PDE4C: variants seen among roughly 807,000 people sequenced by gnomAD.
The protein encoded by PDE4C is 3',5'-cyclic-AMP phosphodiesterase 4C.
Under a neutral mutation model 63.9 loss-of-function variants are expected in PDE4C, and 50 were observed. The ratio of observed to expected loss-of-function variants is 0.78; its 90% CI spans 0.62 to 0.99. The LOEUF (loss-of-function observed/expected upper bound fraction) is 0.99. PDE4C is among the 50% of genes least tolerant of loss of function. The probability of loss-of-function intolerance (pLI) is 0.00; values close to 1 mark genes in which losing one functional copy is unlikely to be tolerated. For missense variants in PDE4C, 777 were observed against 899.1 expected, an observed-to-expected ratio of 0.86 and a Z score of 1.74; for synonymous variants, 377 against 385.1, an observed-to-expected ratio of 0.98 and a Z score of 0.25.
At chr19:18,238,088 C>T (rs981881140), upstream of PDE4C, among the ~76,000 whole-genome samples, 1 of 151,542 alleles carries the variant, frequency 6.6e-6, no homozygotes, top group African/African-American at 2.4e-5. Flanking sequence ...AGCCAGGCAT[C>T]GTGGTGTATG....
intron 3 of PDE4C, 22 bp from the exon 4 acceptor site, chr19:18,221,200 C>T: frequency 6.7e-7 from 1 of 1,481,952 alleles, no homozygotes; most frequent in Non-Finnish European, 9.1e-7. Context: ...AGGTGGTAGG[C>T]GGTGGGAAGG....
upstream of PDE4C, among the ~76,000 whole-genome samples, chr19:18,229,282 C>T (rs537465457): frequency 2.6e-5 from 4 of 151,878 alleles, no homozygotes; most frequent in South Asian, 6.2e-4. Context: ...ACTCTGTCGC[C>T]CAGGGTGGAG....
downstream of PDE4C, chr19:18,209,924 C>A (rs1330306159): frequency 6.6e-6 from 1 of 151,810 alleles, no homozygotes; most frequent in East Asian, 1.9e-4. Flanking sequence ...GAACTCCTAA[C>A]CTCAGGTGAT....
At chr19:18,248,461 G>T (rs1969173042), upstream of PDE4C, among the ~76,000 whole-genome samples, 1 of 151,056 alleles carries the variant, frequency 6.6e-6, no homozygotes, top group African/African-American at 2.4e-5. Context: ...AAGGAGGGGG[G>T]AAGGAGGGAA....
At chr19:18,221,357 C>G in intron 2 of PDE4C, 60 bp from the exon 3 acceptor site, 1 of 1,499,838 alleles carries the variant, frequency 6.7e-7, no homozygotes, top group East Asian at 2.5e-5. Context: ...TTTACCCACA[C>G]CATATGCCCT....
chr19:18,251,070 C>T (rs1438099857), upstream of PDE4C, among the ~76,000 whole-genome samples: 1 of 151,556 alleles, frequency 6.6e-6, no homozygotes, highest in Non-Finnish European at 1.5e-5. Context: ...GCCACTGAGC[C>T]CAGCCTAATT....
At chr19:18,223,505 C>T (rs975214315) in intron 1 of PDE4C, among the ~76,000 whole-genome samples, 6 of 152,188 alleles carry the variant, frequency 3.9e-5, no homozygotes, top group African/African-American at 7.2e-5. Flanking sequence ...CCACCGTGCC[C>T]GGCCAAAGTT....
Position 18,220,557 on chromosome 19 carries a change from T to C in PDE4C, c.500-42A>G. On this transcript the variant is annotated intron_variant, in intron 5 of 14. Coordinates refer to ENST00000262805, the Ensembl canonical transcript of PDE4C. This position sits in a 1 kb window ranked among gnomAD's most constrained non-coding sequence, Gnocchi z 5.1. ...TCAGGGGCCTGCCCAACCCCCCCGC[T>C]CAGGGACCCCACGCCTCTCGCGACT... The C allele has an allele frequency of 6.5e-7, 1 of 1,532,976 alleles. No homozygotes were observed. The highest frequency in any genetic ancestry group is 9.0e-7 in the Non-Finnish European group (1 of 1,112,604). The allele number at this position is 1,532,976 out of a possible 1,614,324, so 95.0% of individuals were successfully genotyped here.
chr19:18,212,358 A>G (rs542935031), intron 13 of PDE4C, among the ~76,000 whole-genome samples: 1 of 151,256 alleles, frequency 6.6e-6, no homozygotes, highest in African/African-American at 2.4e-5. Flanking sequence ...TAATTTTTGT[A>G]TTTTTGTAGA....
At position 18,226,397 on chromosome 19, in the gene PDE4C, G is replaced by C. The variant is rs759643334; in HGVS notation, c.19C>G (p.Pro7Ala). The change falls in exon 1 of 15, where the codon CCC becomes GCC. Residue 7 changes from proline to alanine, a missense_variant. By Grantham distance (27) the Pro-to-Ala change is conservative. Around this residue, in one of 3 missense-constraint regions of PDE4C, gnomAD observed 249 missense variants for 247.8 expected, o/e 1.00. Transcript: ENST00000262805. ...GAGCCGGGCCCGGGGACCGGGGCGG[G>C]CGCGGGGGGGCCCTGCATCGCCAGG... 9.0e-6 allele frequency: 13 copies of C among 1,448,246 alleles called. No homozygotes were observed. In the African/African-American group the frequency reaches 1.6e-4, roughly 18 times the overall value. 89.7% of individuals were successfully genotyped at this position (1,448,246 alleles called of 1,614,324 possible). A position where few individuals can be genotyped will look rare whatever the true frequency, so the allele number is the denominator to read the frequency against.
intron 12 of PDE4C, 51 bp from the exon 13 acceptor site, chr19:18,213,541 A>C (rs777871026): frequency 6.4e-7 from 1 of 1,568,762 alleles, no homozygotes; most frequent in African/African-American, 1.4e-5. Context: ...GCCCACCCCA[A>C]CCCTCACTCC....
rs1967897735 is a variant in PDE4C at position 18,210,948 on chromosome 19, AG to A, written c.2023del (p.Leu675SerfsTer12). On this transcript the variant is annotated frameshift_variant, in exon 15 of 15. Transcript: ENST00000262805. LOFTEE classifies it high-confidence loss of function. ...CTGGCCCTAAGTCCTCTGGTTGTCGAGGGGTAAGTCCCCAGGGTCTGGGCCG... is the reference window on the plus strand; with the variant it reads ...CTGGCCCTAAGTCCTCTGGTTGTCGAGGGTAAGTCCCCAGGGTCTGGGCCG... 1 of 1,610,442 alleles carries A rather than the reference AG, an allele frequency of 6.2e-7. No individual in the cohort carries two copies. The highest frequency in any genetic ancestry group is 8.5e-7 in the Non-Finnish European group (1 of 1,177,760).
intron 1 of PDE4C, among the ~76,000 whole-genome samples, chr19:18,225,272 C>T (rs919846478): frequency 2.6e-5 from 4 of 152,144 alleles, no homozygotes; most frequent in Non-Finnish European, 5.9e-5. Flanking sequence ...GGGGCCGGCC[C>T]TCGTTCATCC....
In PDE4C at chr19:18,219,243, T is replaced by C. The variant is rs761409784; in HGVS notation, c.861A>G (p.Gln287=). The change falls in exon 8 of 15, where the codon CAA becomes CAG. Residue 287 remains glutamine (Q), a synonymous_variant. Transcript: ENST00000262805. Reference sequence around the variant, plus strand: ...GTGGTTGGGGACCCACCTTGGCCAGTTGCTCCTCCTGGTCAGTCTGGACCC... The same window carrying C: ...GTGGTTGGGGACCCACCTTGGCCAGCTGCTCCTCCTGGTCAGTCTGGACCC... 16 of 1,614,050 alleles carry C rather than the reference T, an allele frequency of 9.9e-6. No homozygotes were observed. The Admixed American group carries it at 1.0e-4, about 10-fold the overall frequency.
At position 18,218,120 on chromosome 19, in the gene PDE4C, T is replaced by C. The variant is rs777778227; in HGVS notation, c.1234+29A>G. 24 of 1,542,722 alleles carry C rather than the reference T, an allele frequency of 1.6e-5. No individual in the cohort carries two copies. In the South Asian group the frequency reaches 2.3e-4, roughly 15 times the overall value. The stretch of plus-strand genomic sequence containing the variant: ...GGGTGGAGGCAGGGTCCACCTCTTC[T>C]CCTGCACCCACTTCCCACTCCTACT... On this transcript the variant is annotated intron_variant, in intron 11 of 14. Transcript: ENST00000262805.
upstream of PDE4C, among the ~76,000 whole-genome samples, chr19:18,230,042 G>A (rs1968818959): frequency 6.6e-6 from 1 of 152,090 alleles, no homozygotes; most frequent in Non-Finnish European, 1.5e-5. Flanking sequence ...CCTCCTCCGA[G>A]AAGCCCTCCC....
At chr19:18,218,156 A>C (rs1968284228) in exon 11 of PDE4C, 2 of 1,612,944 alleles carry the variant, frequency 1.2e-6, no homozygotes, top group South Asian at 2.2e-5. Context: ...TACTGGTGTT[A>C]ATCAGAAACT....
chr19:18,219,386 C>T (rs201157838), exon 8 of PDE4C: 18 of 1,605,358 alleles, frequency 1.1e-5, no homozygotes, highest in Non-Finnish European at 1.4e-5. Context: ...AGCTCCACCT[C>T]GGTCTGCTGG....
chr19:18,244,190 G>T (rs143898177), intron 1 of PDE4C, among the ~76,000 whole-genome samples: 2,868 of 152,096 alleles, frequency 0.019, 94 homozygotes, highest in African/African-American at 0.066. Flanking sequence ...CTGATTAATT[G>T]CCCTCTTCAT....
Sources: gnomAD v4.1 joint callset for allele counts (sites outside exome capture counted in the v4.1 genomes callset) on GRCh38, gnomAD v4.1.1 for gene constraint, gnomAD v4.1.1 regional missense constraint, Gnocchi (gnomAD v3.1) non-coding constraint, MANE v1.5 for transcripts, NCBI Gene and HGNC (gene_info 2026-07-23, HGNC 2026-07-21) for gene names.